CHN2: variants seen among roughly 807,000 people sequenced by gnomAD.
The protein encoded by CHN2 is chimerin 2, also known as beta-chimaerin.
CHN2 carries 35 observed loss-of-function variants against 56.3 expected under a neutral mutation model. That is an observed-to-expected ratio of 0.62 (90% CI 0.47 to 0.82). CHN2 has a LOEUF of 0.82. CHN2 is among the 40% of genes least tolerant of loss of function. The pLI is 0.00. For synonymous variants in CHN2, 210 were observed against 212.8 expected (o/e 0.99, Z 0.12); for missense variants, 491 against 580.5 (o/e 0.85, Z 1.58).
chr7:29,243,912 T>C lies in CHN2; in HGVS notation c.49+48922T>C, dbSNP rs141575435. Among the ~76,000 whole-genome samples, 970 of 152,350 alleles carry C rather than the reference T, an allele frequency of 6.4e-3. 14 individuals are homozygous for C. The highest frequency in any genetic ancestry group is 0.022 in the African/African-American group (924 of 41,578). On this transcript the variant is annotated intron_variant, in intron 1 of 12. Transcript: ENST00000222792. ...TCAAGTCAAACTACCAGTCAAGATC[T>C]TGCCGATCTGAACATTCAGTGCCTC...
intron 2 of CHN2, among the ~76,000 whole-genome samples, chr7:29,183,232 A>G (rs1233934343): frequency 6.6e-6 from 1 of 151,586 alleles, no homozygotes; most frequent in Non-Finnish European, 1.5e-5. Context: ...TTACAGGCAT[A>G]TGCCAACATG....
chr7:29,195,406 G>A (rs1389785270), intron 1 of CHN2: 1 of 198,542 alleles, frequency 5.0e-6, no homozygotes, highest in African/African-American at 2.3e-5. Context: ...ATCCGGAGCA[G>A]AGGGGAGCAA....
In CHN2 at chr7:29,499,881, G is replaced by T; in HGVS notation, c.754G>T (p.Val252Leu). The change falls in exon 9 of 13, where the codon GTA (valine) becomes TTA (leucine). Residue 252 changes from valine (V) to leucine (L), a missense_variant. Transcript: ENST00000222792. ...TTTGTTTACAGACTGTGGATTGAAC[G>T]TACACAAACAGTGTTCCAAGCACGT... ...GVRCSDCGLN[V>L]HKQCSKHVPN... 2 of 1,597,964 alleles carry T rather than the reference G, an allele frequency of 1.3e-6. No individual in the cohort carries two copies. The highest frequency in any genetic ancestry group is 1.3e-5 in the African/African-American group (1 of 74,322).
At chr7:29,375,297 C>G (rs1248754639) in intron 3 of CHN2, among the ~76,000 whole-genome samples, 2 of 138,432 alleles carry the variant, frequency 1.4e-5, no homozygotes, top group African/African-American at 2.7e-5. Flanking sequence ...CTCCTGGGTT[C>G]AAGCCATTCT....
chr7:29,351,627 G>A (rs1335925208), intron 1 of CHN2, among the ~76,000 whole-genome samples: 1 of 152,152 alleles, frequency 6.6e-6, no homozygotes, highest in African/African-American at 2.4e-5. Flanking sequence ...GCCATGCAGC[G>A]ATCTATTGGA....
At chr7:29,421,592 G>C (rs1448902983) in intron 6 of CHN2, among the ~76,000 whole-genome samples, 3 of 152,168 alleles carry the variant, frequency 2.0e-5, no homozygotes, top group Non-Finnish European at 4.4e-5. Flanking sequence ...ATCTCCAAAG[G>C]GATTCATCCA....
intron 1 of CHN2, among the ~76,000 whole-genome samples, chr7:29,198,471 G>A (rs544313771): frequency 6.6e-6 from 1 of 152,210 alleles, no homozygotes; most frequent in South Asian, 2.1e-4. Context: ...TACATTTTCT[G>A]AGAACTCTTC....
intron 1 of CHN2, among the ~76,000 whole-genome samples, chr7:29,204,464 T>C (rs1029795737): frequency 1.3e-5 from 2 of 152,246 alleles, no homozygotes; most frequent in Non-Finnish European, 2.9e-5. Flanking sequence ...ATAACCATTT[T>C]GTTTTACAGT....
At chr7:29,157,949 G>A (rs1794645378) in intron 2 of CHN2, among the ~76,000 whole-genome samples, 1 of 152,118 alleles carries the variant, frequency 6.6e-6, no homozygotes, top group African/African-American at 2.4e-5. Flanking sequence ...TCTCATTTGT[G>A]ATTCCACTCC....
chr7:29,194,346 G>GC (rs1783312790), upstream of CHN2: 1 of 151,588 alleles, frequency 6.6e-6, no homozygotes, highest in Non-Finnish European at 1.5e-5. Context: ...TCCCCCTCCA[G>GC]CCCCAGTGGC....
chr7:29,354,785 T>G (rs1798157653), intron 2 of CHN2, 122 bp downstream of exon 2: 4 of 831,362 alleles, frequency 4.8e-6, no homozygotes, highest in Non-Finnish European at 7.8e-6. Context: ...AACCCAAATC[T>G]TTCTTTCCAC....
intron 6 of CHN2, among the ~76,000 whole-genome samples, chr7:29,404,147 G>T (rs1173783957): frequency 6.6e-6 from 1 of 152,126 alleles, no homozygotes; most frequent in Non-Finnish European, 1.5e-5. Context: ...AGTGCTTTGA[G>T]CGAACACCCT....
chr7:29,204,259 C>CCAGA (rs1784372001), intron 1 of CHN2, among the ~76,000 whole-genome samples: 1 of 151,414 alleles, frequency 6.6e-6, no homozygotes, highest in South Asian at 2.1e-4. Flanking sequence ...GGATTAGGTT[C>CCAGA]CAATTATTTC....
At chr7:29,258,783 G>A (rs1157833823) in intron 1 of CHN2, among the ~76,000 whole-genome samples, 3 of 152,198 alleles carry the variant, frequency 2.0e-5, no homozygotes, top group African/African-American at 7.2e-5. Flanking sequence ...TTACTGATGA[G>A]TGTGTAGAAC....
intron 2 of CHN2, among the ~76,000 whole-genome samples, chr7:29,166,607 A>G (rs1244980262): frequency 1.3e-5 from 2 of 152,162 alleles, no homozygotes; most frequent in African/African-American, 4.8e-5. Context: ...GTTTCTTTCA[A>G]AGAATTTGTC....
At chr7:29,316,751 A>G (rs2128891055) in intron 1 of CHN2, among the ~76,000 whole-genome samples, 1 of 152,034 alleles carries the variant, frequency 6.6e-6, no homozygotes, top group East Asian at 1.9e-4. Flanking sequence ...TTGGGATTAT[A>G]CTTCTAATTT....
At chr7:29,155,213 A>T (rs1794186483) in intron 2 of CHN2, among the ~76,000 whole-genome samples, 1 of 152,160 alleles carries the variant, frequency 6.6e-6, no homozygotes, top group Admixed American at 6.5e-5. Context: ...AATAAATGAA[A>T]ATAAAGAAGT....
Position 29,512,962 on chromosome 7 carries a change from C to T in CHN2, c.*227C>T, listed in dbSNP as rs1041367012. On this transcript the variant is annotated 3_prime_UTR_variant, in exon 13 of 13. Transcript: ENST00000222792. ...CCCTCACCTTGGGTCTTTTGCTGTG[C>T]CTCCTATGTATGTCTGGTTTGCTGG... 8 of 444,866 alleles carry T rather than the reference C, an allele frequency of 1.8e-5. No homozygotes were observed. The highest frequency in any genetic ancestry group is 3.2e-5 in the Non-Finnish European group (8 of 252,622). 27.6% of individuals were successfully genotyped at this position (444,866 alleles called of 1,614,324 possible).
intron 1 of CHN2, among the ~76,000 whole-genome samples, chr7:29,324,200 A>C (rs974724219): frequency 1.3e-5 from 2 of 152,182 alleles, no homozygotes; most frequent in African/African-American, 4.8e-5. Flanking sequence ...AGGTTCTACA[A>C]TAGTGATGCT....
Sources: gnomAD v4.1 joint callset for allele counts (sites outside exome capture counted in the v4.1 genomes callset) on GRCh38, gnomAD v4.1.1 for gene constraint, MANE v1.5 for transcripts, NCBI Gene and HGNC (gene_info 2026-07-23, HGNC 2026-07-21) for gene names.